The following LRRC4C variants were observed in gnomAD, a reference collection of about 807,000 sequenced individuals.
LRRC4C encodes the protein leucine rich repeat containing 4C, also known as leucine-rich repeat-containing protein 4C.
A neutral mutation model predicts 33.6 loss-of-function variants in LRRC4C; 5 were observed. That is an observed-to-expected ratio of 0.15 (90% CI 0.08 to 0.31). The LOEUF (loss-of-function observed/expected upper bound fraction) is 0.31. LRRC4C is among the 10% of genes least tolerant of loss of function. The pLI is 1.00. For missense variants in LRRC4C, 560 were observed against 796.7 expected (o/e 0.70, Z 3.58); for synonymous variants, 329 against 302.0 (o/e 1.09, Z -0.93).
intron 1 of LRRC4C, among the ~76,000 whole-genome samples, chr11:41,087,738 G>A (rs772717190): frequency 3.3e-4 from 50 of 152,114 alleles, no homozygotes; most frequent in Admixed American, 5.2e-4. Context: ...ATAAACTTGG[G>A]ATGTGCTTGA....
At chr11:40,764,010 T>A (rs1206138491) in intron 2 of LRRC4C, among the ~76,000 whole-genome samples, 3 of 152,154 alleles carry the variant, frequency 2.0e-5, no homozygotes, top group Admixed American at 6.5e-5. Flanking sequence ...GTCACCCATC[T>A]TCCAACCCCA....
At chr11:40,625,212 C>CT (rs542352180) in intron 3 of LRRC4C, among the ~76,000 whole-genome samples, 4 of 152,150 alleles carry the variant, frequency 2.6e-5, no homozygotes, top group Non-Finnish European at 4.4e-5. Context: ...CTGTTATACT[C>CT]TATTCAGTTC....
At chr11:41,436,062 G>T (rs1955415375) in intron 1 of LRRC4C, among the ~76,000 whole-genome samples, 1 of 152,094 alleles carries the variant, frequency 6.6e-6, no homozygotes, top group African/African-American at 2.4e-5. Flanking sequence ...AAATTAGCTG[G>T]GTGTGGTGAT....
intron 2 of LRRC4C, among the ~76,000 whole-genome samples, chr11:40,820,505 T>A (rs1223985055): frequency 1.3e-5 from 2 of 151,934 alleles, no homozygotes; most frequent in South Asian, 4.1e-4. Context: ...ACATTCATTA[T>A]AAAGTGGGGT....
At chr11:41,420,234 T>C (rs1227100126) in intron 1 of LRRC4C, among the ~76,000 whole-genome samples, 1 of 151,866 alleles carries the variant, frequency 6.6e-6, no homozygotes, top group Non-Finnish European at 1.5e-5. Context: ...TCCAAAGAGA[T>C]CCAGGGGCAA....
At chr11:40,619,960 C>A (rs1962283632) in intron 3 of LRRC4C, among the ~76,000 whole-genome samples, 1 of 149,740 alleles carries the variant, frequency 6.7e-6, no homozygotes, top group African/African-American at 2.5e-5. Context: ...TTATTCAAAC[C>A]TGCACTGTTG....
At chr11:40,771,473 A>G (rs1287898433) in intron 2 of LRRC4C, among the ~76,000 whole-genome samples, 1 of 152,116 alleles carries the variant, frequency 6.6e-6, no homozygotes, top group Non-Finnish European at 1.5e-5. Flanking sequence ...ATGCCTTGGG[A>G]AAATTTTCCC....
At chr11:41,075,102 A>G (rs1271526819) in intron 1 of LRRC4C, among the ~76,000 whole-genome samples, 1 of 68,894 alleles carries the variant, frequency 1.5e-5, no homozygotes, top group Non-Finnish European at 2.7e-5. Context: ...CACATTGTGC[A>G]GGTTAGTTAC....
chr11:40,644,707 A>G (rs1426052994), intron 3 of LRRC4C, among the ~76,000 whole-genome samples: 3 of 152,228 alleles, frequency 2.0e-5, no homozygotes, highest in Admixed American at 6.5e-5. Context: ...TCTTGTAATG[A>G]CAAAGTTACG....
intron 2 of LRRC4C, among the ~76,000 whole-genome samples, chr11:40,711,731 A>T (rs1946475089): frequency 6.6e-6 from 1 of 151,952 alleles, no homozygotes; most frequent in Non-Finnish European, 1.5e-5. Context: ...AGAAAAAAAA[A>T]AAAAAACTTT....
chr11:40,239,318 C>T (rs1470816), intron 5 of LRRC4C, among the ~76,000 whole-genome samples: 113,049 of 151,968 alleles, frequency 0.74, 46,097 homozygotes, highest in East Asian at 0.95. Context: ...GTACTTGGAA[C>T]CTATCTTCTT....
chr11:40,229,923 TATG>T (rs777271452), intron 5 of LRRC4C, among the ~76,000 whole-genome samples: 1 of 152,216 alleles, frequency 6.6e-6, no homozygotes, highest in Non-Finnish European at 1.5e-5. Context: ...AGAGCTAATT[TATG>T]ATATCTTTTA....
intron 3 of LRRC4C, among the ~76,000 whole-genome samples, chr11:40,349,537 G>C (rs1448728072): frequency 6.6e-6 from 1 of 152,090 alleles, no homozygotes; most frequent in Non-Finnish European, 1.5e-5. Flanking sequence ...TAACATGGGA[G>C]TGCAGATATT....
chr11:40,990,894 T>A (rs746415081), intron 1 of LRRC4C, among the ~76,000 whole-genome samples: 30 of 152,216 alleles, frequency 2.0e-4, no homozygotes, highest in Non-Finnish European at 1.3e-4. Flanking sequence ...CTTTTTTTTA[T>A]ACAAGGAAGT....
At chr11:41,321,445 A>G (rs1002982178) in intron 1 of LRRC4C, among the ~76,000 whole-genome samples, 2 of 152,204 alleles carry the variant, frequency 1.3e-5, no homozygotes, top group Non-Finnish European at 2.9e-5. Context: ...ACTGTCCGAT[A>G]GACTTATTCA....
chr11:40,706,514 G>T (rs1946175735), intron 2 of LRRC4C, among the ~76,000 whole-genome samples: 1 of 152,104 alleles, frequency 6.6e-6, no homozygotes, highest in African/African-American at 2.4e-5. Context: ...AAGATCAGAT[G>T]GTTGTAGATG....
chr11:41,310,790 A>G (rs1950623363), intron 1 of LRRC4C, among the ~76,000 whole-genome samples: 1 of 152,222 alleles, frequency 6.6e-6, no homozygotes, highest in Non-Finnish European at 1.5e-5. Flanking sequence ...TTGTATTTAC[A>G]TGGACCTGTA....
At chr11:40,680,073 T>G (rs947888052) in intron 2 of LRRC4C, among the ~76,000 whole-genome samples, 5 of 152,286 alleles carry the variant, frequency 3.3e-5, no homozygotes, top group Admixed American at 3.3e-4. Context: ...TGTGATCTGT[T>G]TATGAGACGT....
chr11:40,124,699 G>A (rs61911789), intron 6 of LRRC4C, among the ~76,000 whole-genome samples: 9,724 of 152,160 alleles, frequency 0.064, 432 homozygotes, highest in Non-Finnish European at 0.091. Flanking sequence ...GGGATGGTTA[G>A]TGGGTATAAA....
Sources: gnomAD v4.1 joint callset for allele counts (sites outside exome capture counted in the v4.1 genomes callset) on GRCh38, gnomAD v4.1.1 for gene constraint, MANE v1.5 for transcripts, NCBI Gene and HGNC (gene_info 2026-07-23, HGNC 2026-07-21) for gene names.